TIAM1: variants seen among roughly 807,000 people sequenced by gnomAD.
TIAM1 encodes the protein TIAM Rac1 associated GEF 1.
A neutral mutation model predicts 163.5 loss-of-function variants in TIAM1; 65 were observed. The ratio of observed to expected loss-of-function variants is 0.40; its 90% CI spans 0.33 to 0.49. The LOEUF is 0.49. TIAM1 is among the 20% of genes least tolerant of loss of function. The pLI is 0.77. For missense variants in TIAM1, 1,789 were observed against 2,044.7 expected (o/e 0.87, Z 2.41); for synonymous variants, 833 against 810.1 (o/e 1.03, Z -0.48).
At chr21:31,355,532 T>TTTAC (rs1184453291) in intron 2 of TIAM1, among the ~76,000 whole-genome samples, 1 of 36,450 alleles carries the variant, frequency 2.7e-5, no homozygotes, top group Non-Finnish European at 5.5e-5. Flanking sequence ...TCCTTTATTA[T>TTTAC]TTATTTATTT....
chr21:31,220,907 C>T (rs1216457708), intron 8 of TIAM1, among the ~76,000 whole-genome samples: 1 of 152,102 alleles, frequency 6.6e-6, no homozygotes, highest in Non-Finnish European at 1.5e-5. Context: ...AAGAGTACAG[C>T]GAGGACCCTT....
At chr21:31,432,862 G>A (rs1047526563) in intron 2 of TIAM1, among the ~76,000 whole-genome samples, 3 of 152,136 alleles carry the variant, frequency 2.0e-5, no homozygotes, top group African/African-American at 4.8e-5. Context: ...GTATGTGGTC[G>A]CTCCCGTCAA....
intron 1 of TIAM1, among the ~76,000 whole-genome samples, chr21:31,478,910 A>T (rs2046020105): frequency 6.6e-6 from 1 of 152,248 alleles, no homozygotes; most frequent in African/African-American, 2.4e-5. Context: ...GAGATAAATG[A>T]AATCCAGAAA....
At position 31,534,295 on chromosome 21, in the gene TIAM1, T is replaced by C. The variant is rs569423846; in HGVS notation, c.-422+24632A>G. On this transcript the variant is annotated intron_variant, in intron 1 of 28. Transcript: ENST00000286827. ...AAAGTCATTAAATCCAGTGCCTACA[T>C]CGAGAACAACCAGACTTAACAACAG... Among the ~76,000 whole-genome samples the C allele has an allele frequency of 2.6e-5, 4 of 152,318 alleles. No individual in the cohort carries two copies. In the South Asian group the frequency reaches 8.3e-4, roughly 32 times the overall value.
intron 2 of TIAM1, among the ~76,000 whole-genome samples, chr21:31,438,605 T>TAAC (rs2044305435): frequency 6.6e-6 from 1 of 152,182 alleles, no homozygotes; most frequent in South Asian, 2.1e-4. Context: ...TGTCATGATG[T>TAAC]AACCCTTTTC....
At chr21:31,394,724 TCTCTCACACACACACACACACA>T (rs2077029084) in intron 2 of TIAM1, among the ~76,000 whole-genome samples, 1 of 128,796 alleles carries the variant, frequency 7.8e-6, no homozygotes, top group East Asian at 2.4e-4. Flanking sequence ...TCTCTCTCTC[TCTCTCACACACACACACACACA>T]CACACACACA....
At chr21:31,361,166 C>T (rs922214307) in intron 2 of TIAM1, among the ~76,000 whole-genome samples, 5 of 152,138 alleles carry the variant, frequency 3.3e-5, no homozygotes, top group Admixed American at 6.5e-5. Flanking sequence ...CCTATTTATA[C>T]CATGAAATTG....
At chr21:31,258,645 C>A (rs549471680) in intron 4 of TIAM1, among the ~76,000 whole-genome samples, 6 of 152,230 alleles carry the variant, frequency 3.9e-5, no homozygotes, top group Admixed American at 2.6e-4. Flanking sequence ...TCCTGGCCAA[C>A]ACAGTGAAAC....
intron 2 of TIAM1, among the ~76,000 whole-genome samples, chr21:31,383,720 C>T (rs2076819073): frequency 6.6e-6 from 1 of 152,164 alleles, no homozygotes; most frequent in African/African-American, 2.4e-5. Context: ...CTATCTACTA[C>T]ATAAGGTTAC....
intron 1 of TIAM1, among the ~76,000 whole-genome samples, chr21:31,518,510 C>A (rs2047457259): frequency 6.6e-6 from 1 of 152,132 alleles, no homozygotes; most frequent in African/African-American, 2.4e-5. Context: ...TGGTCTCAAA[C>A]TCCCGACCTG....
At chr21:31,305,632 C>T (rs183777690) in intron 2 of TIAM1, among the ~76,000 whole-genome samples, 27 of 152,248 alleles carry the variant, frequency 1.8e-4, no homozygotes, top group East Asian at 1.7e-3. Flanking sequence ...AAAGTGATTA[C>T]GACATTTTCA....
chr21:31,376,574 C>CA (rs1232358531), intron 2 of TIAM1, among the ~76,000 whole-genome samples: 1 of 152,160 alleles, frequency 6.6e-6, no homozygotes. Context: ...AGTGCTCCCC[C>CA]AAACACACGC....
chr21:31,213,353 GC>G, intron 10 of TIAM1, 44 bp downstream of exon 10: 1 of 1,529,782 alleles, frequency 6.5e-7, no homozygotes, highest in South Asian at 1.2e-5. Context: ...ATATGTTGAT[GC>G]ACTTGTGGTA....
At chr21:31,429,702 G>A (rs1438594431) in intron 2 of TIAM1, among the ~76,000 whole-genome samples, 1 of 152,124 alleles carries the variant, frequency 6.6e-6, no homozygotes, top group Non-Finnish European at 1.5e-5. Context: ...ACAGTCCCTT[G>A]GGCTCCTGGG....
intron 1 of TIAM1, among the ~76,000 whole-genome samples, chr21:31,544,621 C>T (rs1226909327): frequency 1.3e-5 from 2 of 151,774 alleles, no homozygotes; most frequent in Non-Finnish European, 2.9e-5. Context: ...GAGCAAGACT[C>T]CGTCTCAAAA....
chr21:31,518,074 T>A (rs535137132), intron 1 of TIAM1, among the ~76,000 whole-genome samples: 2 of 152,246 alleles, frequency 1.3e-5, no homozygotes, highest in East Asian at 3.9e-4. Context: ...CTTTTGCTAG[T>A]CTAACATATA....
intron 2 of TIAM1, among the ~76,000 whole-genome samples, chr21:31,392,124 A>T (rs577556145): frequency 6.6e-6 from 1 of 152,222 alleles, no homozygotes; most frequent in Non-Finnish European, 1.5e-5. Context: ...TAGGTGTATT[A>T]AATGTATTTT....
In TIAM1 at chr21:31,534,188, A is replaced by G. The variant is rs568149198; in HGVS notation, c.-422+24739T>C. On this transcript the variant is annotated intron_variant, in intron 1 of 28. Coordinates refer to the TIAM1 transcript ENST00000286827. ...ACCACGCTAGGCGCTGACACTAAGC[A>G]TATTCAAACTCACCATTAACATCTA... Among the ~76,000 whole-genome samples, 9 of 152,368 alleles carry G rather than the reference A, an allele frequency of 5.9e-5. No individual in the cohort carries two copies. In the South Asian group the frequency reaches 1.9e-3, roughly 32 times the overall value.
At chr21:31,182,867 T>C (rs1334091269) in intron 14 of TIAM1, among the ~76,000 whole-genome samples, 2 of 152,198 alleles carry the variant, frequency 1.3e-5, no homozygotes, top group Non-Finnish European at 1.5e-5. Context: ...TGGTCCTTCA[T>C]ACATCAAGCA....
Sources: gnomAD v4.1 joint callset for allele counts (sites outside exome capture counted in the v4.1 genomes callset) on GRCh38, gnomAD v4.1.1 for gene constraint, MANE v1.5 for transcripts, NCBI Gene and HGNC (gene_info 2026-07-23, HGNC 2026-07-21) for gene names.